Variants in AGPAT3 observed in about 807,000 individuals in gnomAD.
The protein encoded by AGPAT3 is 1-acylglycerol-3-phosphate O-acyltransferase 3.
In AGPAT3, 5 loss-of-function variants were observed where a neutral mutation model predicts 47.3. The ratio of observed to expected loss-of-function variants is 0.11; its 90% CI spans 0.06 to 0.22. The LOEUF (loss-of-function observed/expected upper bound fraction) is 0.22, where lower values mean the gene tolerates loss of function less well. AGPAT3 is among the 10% of genes least tolerant of loss of function. The probability of loss-of-function intolerance (pLI) is 1.00; values close to 1 mark genes in which losing one functional copy is unlikely to be tolerated. For missense variants in AGPAT3, 315 were observed against 493.0 expected, an observed-to-expected ratio of 0.64 and a Z score of 3.42; for synonymous variants, 212 against 208.3, an observed-to-expected ratio of 1.02 and a Z score of -0.15.
chr21:43,875,112 C>T (rs1601191027), intron 1 of AGPAT3, among the ~76,000 whole-genome samples: 1 of 152,074 alleles, frequency 6.6e-6, no homozygotes, highest in Non-Finnish European at 1.5e-5. Flanking sequence ...TCCTGAGTAA[C>T]TGGAATTACA....
At chr21:43,959,520 C>T in intron 2 of AGPAT3, 114 bp from the exon 3 acceptor site, 1 of 897,372 alleles carries the variant, frequency 1.1e-6, no homozygotes, top group Non-Finnish European at 1.7e-6. Flanking sequence ...TGCTGTGCAG[C>T]ATGTGTGTAT....
chr21:43,969,570 C>T (rs1352012089), intron 5 of AGPAT3, among the ~76,000 whole-genome samples: 1 of 152,252 alleles, frequency 6.6e-6, no homozygotes, highest in African/African-American at 2.4e-5. Context: ...GCTCTGCCCG[C>T]CCTGCTCAGT....
intron 1 of AGPAT3, among the ~76,000 whole-genome samples, chr21:43,892,831 G>A (rs977434787): frequency 4.6e-5 from 7 of 152,210 alleles, no homozygotes; most frequent in African/African-American, 1.7e-4. Flanking sequence ...GCTCACAGCT[G>A]TAATCTCAGC....
intron 1 of AGPAT3, among the ~76,000 whole-genome samples, chr21:43,871,209 AAG>A (rs763713137): frequency 6.6e-6 from 1 of 152,216 alleles, no homozygotes; most frequent in African/African-American, 2.4e-5. Context: ...AAAATGCAGG[AAG>A]AGAGGGGGAA....
intron 3 of AGPAT3, among the ~76,000 whole-genome samples, chr21:43,962,292 G>A (rs948421900): frequency 4.6e-5 from 7 of 152,180 alleles, no homozygotes; most frequent in South Asian, 2.1e-4. Flanking sequence ...GTGAGCCACC[G>A]CGCCCGGCCA....
At position 43,932,301 on chromosome 21, in the gene AGPAT3, C is replaced by T. The variant is rs1184536646; in HGVS notation, c.-48-27333C>T. Among the ~76,000 whole-genome samples, 46 of 152,200 alleles carry T rather than the reference C, an allele frequency of 3.0e-4. No individual in the cohort carries two copies. The highest frequency in any genetic ancestry group is 3.0e-3 in the Admixed American group (46 of 15,276). ...CCAGCCCCTGGTAACCACCGTGCTC[C>T]TCCCAGTTCTGGTGAGACCTCCGTT... On this transcript the variant is annotated intron_variant, in intron 2 of 9. Transcript: ENST00000291572. The surrounding 1 kb of genome is among the most constrained non-coding windows in gnomAD (Gnocchi z 5.2).
chr21:43,939,693 T>C lies in AGPAT3; in HGVS notation c.-48-19941T>C, dbSNP rs547898160. Among the ~76,000 whole-genome samples, 3 of 152,294 alleles carry C rather than the reference T, an allele frequency of 2.0e-5. No individual in the cohort carries two copies. In the East Asian group the frequency reaches 5.8e-4, roughly 29 times the overall value. ...CTATCACTTGGAGGCCTTTCAGGGA[T>C]CTTGCTAGCCCACGGCTGAGCACAG... On this transcript the variant is annotated intron_variant, in intron 2 of 9. Coordinates refer to ENST00000291572, the MANE Select transcript of AGPAT3 (RefSeq NM_020132.5). The surrounding 1 kb of genome is among the most constrained non-coding windows in gnomAD (Gnocchi z 4.4).
rs897099252 is a variant in AGPAT3, at chr21:43,955,388, C to T, written c.-48-4246C>T. 3 of 272,814 alleles carry T rather than the reference C, an allele frequency of 1.1e-5. No homozygotes were observed. Among genetic ancestry groups the T allele is most frequent in the African/African-American group, 6.9e-5 (3 of 43,588 alleles). 16.9% of individuals were successfully genotyped at this position (272,814 alleles called of 1,614,324 possible). Reference sequence around the variant, plus strand: ...ACCCATAACGCTATGCACGGACACTCGGCAAACCCATCTTAATCGTGTGTT... The same window carrying T: ...ACCCATAACGCTATGCACGGACACTTGGCAAACCCATCTTAATCGTGTGTT... On this transcript the variant is annotated intron_variant, in intron 2 of 9. Transcript: ENST00000291572. The surrounding 1 kb of genome is among the most constrained non-coding windows in gnomAD (Gnocchi z 4.1).
chr21:43,875,769 G>A (rs1034534280), intron 1 of AGPAT3, among the ~76,000 whole-genome samples: 12 of 152,132 alleles, frequency 7.9e-5, no homozygotes, highest in Admixed American at 5.9e-4. Flanking sequence ...CACCATGCCC[G>A]GCTAATTTTT....
chr21:43,870,004 TAA>T (rs1046050035), intron 1 of AGPAT3, among the ~76,000 whole-genome samples: 1 of 152,240 alleles, frequency 6.6e-6, no homozygotes, highest in Non-Finnish European at 1.5e-5. Flanking sequence ...CACACGTGGC[TAA>T]GTTTAGTGAC....
chr21:43,888,600 T>C (rs1424792795), intron 1 of AGPAT3, among the ~76,000 whole-genome samples: 2 of 152,180 alleles, frequency 1.3e-5, no homozygotes, highest in African/African-American at 4.8e-5. Flanking sequence ...GTAAGGTCAA[T>C]CAATATTCTT....
chr21:43,981,942 G>A lies in AGPAT3; in HGVS notation c.1043-362G>A, dbSNP rs187531016. Among the ~76,000 whole-genome samples the A allele has an allele frequency of 1.3e-5, 2 of 152,322 alleles. No individual in the cohort carries two copies. The highest frequency in any genetic ancestry group is 1.3e-4 in the Admixed American group (2 of 15,304). ...AGGATGTGACCTGCTTACATCCGAG[G>A]GTCCTGCTCGTCCACCTCTGTCACC... On this transcript the variant is annotated intron_variant, in intron 9 of 9. Coordinates refer to ENST00000291572, the MANE Select transcript of AGPAT3 (RefSeq NM_020132.5). This position sits in a 1 kb window ranked among gnomAD's most constrained non-coding sequence, Gnocchi z 5.3.
At chr21:43,907,366 A>G (rs748582362) in intron 2 of AGPAT3, among the ~76,000 whole-genome samples, 1 of 152,002 alleles carries the variant, frequency 6.6e-6, no homozygotes, top group Non-Finnish European at 1.5e-5. Flanking sequence ...ATCCAGCCGC[A>G]TGCTGAAGAT....
intron 2 of AGPAT3, among the ~76,000 whole-genome samples, chr21:43,944,808 A>G (rs1302753386): frequency 1.3e-5 from 2 of 152,334 alleles, no homozygotes; most frequent in South Asian, 2.1e-4. Flanking sequence ...AAATGAGGAA[A>G]AGCTCAGATG....
rs575551069 is a variant in AGPAT3 at position 43,962,212 on chromosome 21, C to T, written c.178+2353C>T. Among the ~76,000 whole-genome samples the T allele has an allele frequency of 4.6e-5, 7 of 152,116 alleles. No homozygotes were observed. The South Asian group carries it at 1.2e-3, about 27-fold the overall frequency. On this transcript the variant is annotated intron_variant, in intron 3 of 9. Transcript: ENST00000291572. The stretch of plus-strand genomic sequence containing the variant: ...AGAGACGGGGTTTCACTGTGTTAGC[C>T]AGGATGGTTTTGATCTCCTGACCTC...
In AGPAT3 at chr21:43,952,689, G is replaced by A. The variant is rs185234617; in HGVS notation, c.-48-6945G>A. Among the ~76,000 whole-genome samples the A allele has an allele frequency of 2.4e-4, 37 of 152,136 alleles. No individual in the cohort carries two copies. The East Asian group carries it at 7.0e-3, about 29-fold the overall frequency. On this transcript the variant is annotated intron_variant, in intron 2 of 9. Coordinates refer to ENST00000291572, the MANE Select transcript of AGPAT3 (RefSeq NM_020132.5). This position sits in a 1 kb window ranked among gnomAD's most constrained non-coding sequence, Gnocchi z 5.6. ...GAAGACGCGCTGGCACCAAGCTTCT[G>A]GGCGACCTAAACCTGTTGTTTAATG...
Position 43,939,707 on chromosome 21 carries a change from G to A in AGPAT3, c.-48-19927G>A, listed in dbSNP as rs899586145. ...CCTTTCAGGGATCTTGCTAGCCCACGGCTGAGCACAGGGTAGACCTCACCA... is the reference window on the plus strand; with the variant it reads ...CCTTTCAGGGATCTTGCTAGCCCACAGCTGAGCACAGGGTAGACCTCACCA... On this transcript the variant is annotated intron_variant, in intron 2 of 9. Coordinates refer to ENST00000291572, the MANE Select transcript of AGPAT3 (RefSeq NM_020132.5). The surrounding 1 kb of genome is among the most constrained non-coding windows in gnomAD (Gnocchi z 4.4). Among the ~76,000 whole-genome samples the A allele has an allele frequency of 6.6e-6, 1 of 152,142 alleles. No homozygotes were observed. The highest frequency in any genetic ancestry group is 2.4e-5 in the African/African-American group (1 of 41,432).
At chr21:43,958,532 G>T (rs1264461512) in intron 2 of AGPAT3, among the ~76,000 whole-genome samples, 1 of 151,588 alleles carries the variant, frequency 6.6e-6, no homozygotes, top group Admixed American at 6.6e-5. Context: ...TTGGTGTGTG[G>T]TGTAGGTGTG....
Position 43,981,672 on chromosome 21 carries a change from C to A in AGPAT3, c.1042+485C>A, listed in dbSNP as rs1402234365. On this transcript the variant is annotated intron_variant, in intron 9 of 9. Coordinates refer to ENST00000291572, the MANE Select transcript of AGPAT3 (RefSeq NM_020132.5). This position sits in a 1 kb window ranked among gnomAD's most constrained non-coding sequence, Gnocchi z 5.3. ...AGCCTGGGGCCGAACAGACACCCAG[C>A]CTGTCCCTGTGGTGAGCTCCGGCGC... Among the ~76,000 whole-genome samples the A allele has an allele frequency of 1.3e-5, 2 of 152,160 alleles. No homozygotes were observed. The highest frequency in any genetic ancestry group is 2.9e-5 in the Non-Finnish European group (2 of 68,026).
Sources: gnomAD v4.1 joint callset for allele counts (sites outside exome capture counted in the v4.1 genomes callset) on GRCh38, gnomAD v4.1.1 for gene constraint, Gnocchi (gnomAD v3.1) non-coding constraint, MANE v1.5 for transcripts, NCBI Gene and HGNC (gene_info 2026-07-23, HGNC 2026-07-21) for gene names.